SLC6A11: variants seen among roughly 807,000 people sequenced by gnomAD.
The protein encoded by SLC6A11 is sodium- and chloride-dependent GABA transporter 3.
SLC6A11 carries 25 observed loss-of-function variants against 74.8 expected under a neutral mutation model. The observed-to-expected ratio is 0.33, with a 90% CI of 0.24 to 0.47. The LOEUF (loss-of-function observed/expected upper bound fraction) is 0.47, where lower values mean the gene tolerates loss of function less well. SLC6A11 is among the 20% of genes least tolerant of loss of function. The pLI is 1.00. For synonymous variants in SLC6A11, 330 were observed against 330.2 expected (o/e 1.00, Z 0.01); for missense variants, 574 against 837.0 (o/e 0.69, Z 3.88).
At chr3:10,858,151 G>A (rs73037906) in intron 5 of SLC6A11, among the ~76,000 whole-genome samples, 12,831 of 152,154 alleles carry the variant, frequency 0.084, 755 homozygotes, top group African/African-American at 0.15. Context: ...CACATTCCAC[G>A]GACAGTACAG....
chr3:10,933,408 G>A (rs1426326021), intron 11 of SLC6A11, among the ~76,000 whole-genome samples, 155 bp downstream of exon 11: 4 of 152,174 alleles, frequency 2.6e-5, no homozygotes, highest in Non-Finnish European at 5.9e-5. Flanking sequence ...TTTTCCCACT[G>A]TTGGTAGACC....
intron 4 of SLC6A11, 133 bp from the exon 5 acceptor site, chr3:10,844,081 C>T: frequency 9.5e-7 from 1 of 1,054,228 alleles, no homozygotes; most frequent in Non-Finnish European, 1.4e-6. Flanking sequence ...AAGTCCTCCC[C>T]AGAGGAGACA....
intron 8 of SLC6A11, among the ~76,000 whole-genome samples, chr3:10,925,341 A>T (rs1695589314): frequency 6.6e-6 from 1 of 152,174 alleles, no homozygotes; most frequent in African/African-American, 2.4e-5. Flanking sequence ...TTATCCCCAT[A>T]TTTCAGCTAA....
chr3:10,902,237 G>A (rs890335262), intron 6 of SLC6A11, among the ~76,000 whole-genome samples: 2 of 152,244 alleles, frequency 1.3e-5, no homozygotes, highest in East Asian at 1.9e-4. Flanking sequence ...TGGGTCTGAC[G>A]GTTTTCACAC....
intron 4 of SLC6A11, among the ~76,000 whole-genome samples, chr3:10,834,516 G>A (rs992390301): frequency 1.3e-5 from 2 of 152,112 alleles, no homozygotes; most frequent in Admixed American, 6.5e-5. Context: ...GTTTCTTTAG[G>A]AAGTGGCTTT....
At chr3:10,830,183 A>G (rs1694276415) in intron 4 of SLC6A11, among the ~76,000 whole-genome samples, 1 of 152,178 alleles carries the variant, frequency 6.6e-6, no homozygotes, top group African/African-American at 2.4e-5. Context: ...GGAGTTGGTG[A>G]TACTTTAGCT....
chr3:10,924,629 C>T (rs74763956), intron 8 of SLC6A11, among the ~76,000 whole-genome samples: 4,812 of 151,700 alleles, frequency 0.032, 227 homozygotes, highest in African/African-American at 0.1. Flanking sequence ...ATATAAAGAA[C>T]GCTCACAATC....
chr3:10,856,418 A>G (rs561593966), intron 5 of SLC6A11, among the ~76,000 whole-genome samples: 1 of 152,340 alleles, frequency 6.6e-6, no homozygotes, highest in African/African-American at 2.4e-5. Flanking sequence ...CACATGCTGG[A>G]CTTTGGCCTG....
chr3:10,934,227 C>A (rs576999138), intron 12 of SLC6A11, 61 bp downstream of exon 12: 39 of 1,160,968 alleles, frequency 3.4e-5, no homozygotes, highest in Non-Finnish European at 4.8e-5. Context: ...CTCCAACCCA[C>A]GTTTCCACTC....
intron 5 of SLC6A11, among the ~76,000 whole-genome samples, chr3:10,857,464 T>C (rs1265568391): frequency 1.3e-5 from 2 of 152,180 alleles, no homozygotes; most frequent in East Asian, 3.8e-4. Context: ...CACATTGTGC[T>C]CTGTGCTGGG....
chr3:10,888,630 T>G (rs983299282), intron 6 of SLC6A11, among the ~76,000 whole-genome samples: 1 of 152,116 alleles, frequency 6.6e-6, no homozygotes, highest in South Asian at 2.1e-4. Flanking sequence ...GCAGTGAGAG[T>G]ACAGGGATGA....
chr3:10,891,870 C>A (rs1559573694), intron 6 of SLC6A11, among the ~76,000 whole-genome samples: 1 of 152,220 alleles, frequency 6.6e-6, no homozygotes, highest in Non-Finnish European at 1.5e-5. Flanking sequence ...CTTCTCTGGG[C>A]TTCCATGTTA....
chr3:10,864,474 G>A (rs3774110), intron 5 of SLC6A11, among the ~76,000 whole-genome samples: 1 of 151,688 alleles, frequency 6.6e-6, no homozygotes, highest in African/African-American at 2.4e-5. Context: ...CAGGTTCCTG[G>A]CACATCCGAA....
At chr3:10,833,371 T>C (rs1209776117) in intron 4 of SLC6A11, among the ~76,000 whole-genome samples, 1 of 152,116 alleles carries the variant, frequency 6.6e-6, no homozygotes, top group Non-Finnish European at 1.5e-5. Flanking sequence ...CCACTGCCAA[T>C]TAAGTGTAAG....
At chr3:10,903,655 T>G (rs1695268265) in intron 6 of SLC6A11, among the ~76,000 whole-genome samples, 1 of 152,140 alleles carries the variant, frequency 6.6e-6, no homozygotes, top group African/African-American at 2.4e-5. Flanking sequence ...TCCTCCAGGT[T>G]TTTGAGTACT....
At chr3:10,873,736 TCCCGTCCC>T (rs1398372143) in intron 5 of SLC6A11, among the ~76,000 whole-genome samples, 4 of 148,034 alleles carry the variant, frequency 2.7e-5, no homozygotes, top group East Asian at 2.1e-4. Flanking sequence ...TCCTATCCCG[TCCCGTCCC>T]ATGCTATCCT....
intron 7 of SLC6A11, among the ~76,000 whole-genome samples, chr3:10,916,004 C>G (rs758151015): frequency 8.5e-5 from 13 of 152,144 alleles, no homozygotes; most frequent in Non-Finnish European, 1.3e-4. Flanking sequence ...GAAACCTAGT[C>G]CACGGCTGGC....
At position 10,816,235 on chromosome 3, in the gene SLC6A11, C is replaced by A; in HGVS notation, c.-31C>A. ...CTCGCCCGGGGCGGCGGCGCAGAGC[C>A]GGGCCGGCGCACGAGGCAGCCAGCG... On this transcript the variant is annotated 5_prime_UTR_variant, in exon 1 of 14. Transcript: ENST00000254488. The surrounding 1 kb of genome is among the most constrained non-coding windows in gnomAD (Gnocchi z 4.2). 7.8e-7 allele frequency: 1 copy of A among 1,284,400 alleles called. No individual in the cohort carries two copies. Among genetic ancestry groups the A allele is most frequent in the Non-Finnish European group, 9.8e-7 (1 of 1,020,032 alleles). 79.6% of individuals were successfully genotyped at this position (1,284,400 alleles called of 1,614,324 possible). A position where few individuals can be genotyped will look rare whatever the true frequency, so the allele number is the denominator to read the frequency against.
intron 7 of SLC6A11, among the ~76,000 whole-genome samples, chr3:10,916,879 C>G (rs896142779): frequency 6.6e-6 from 1 of 152,214 alleles, no homozygotes; most frequent in Non-Finnish European, 1.5e-5. Context: ...TCTCGACCAC[C>G]AGTTCAATGC....
Sources: allele counts gnomAD v4.1 joint callset (sites outside exome capture counted in the v4.1 genomes callset), GRCh38; gene constraint gnomAD v4.1.1; non-coding constraint Gnocchi (gnomAD v3.1); transcripts MANE v1.5; gene names NCBI Gene and HGNC (gene_info 2026-07-23, HGNC 2026-07-21).